ZRANB3: variants seen among roughly 807,000 people sequenced by gnomAD.
The protein encoded by ZRANB3 is DNA annealing helicase and endonuclease ZRANB3.
Under a neutral mutation model 133.8 loss-of-function variants are expected in ZRANB3, and 125 were observed. The ratio of observed to expected loss-of-function variants is 0.93; its 90% CI spans 0.81 to 1.08. ZRANB3 has a LOEUF of 1.08. Among genes scored for constraint, ZRANB3 ranks in the 50% least tolerant of loss-of-function variants. The probability of loss-of-function intolerance (pLI) is 0.00; values close to 1 mark genes in which losing one functional copy is unlikely to be tolerated. For missense variants in ZRANB3, 1,229 were observed against 1,275.5 expected (o/e 0.96, Z 0.56); for synonymous variants, 387 against 432.7 (o/e 0.89, Z 1.31).
intron 6 of ZRANB3, among the ~76,000 whole-genome samples, chr2:135,339,325 C>T (rs548935847): frequency 1.4e-4 from 21 of 152,040 alleles, no homozygotes; most frequent in Admixed American, 5.9e-4. Context: ...GCAGGAGAAT[C>T]GCTTGAACCC....
At chr2:135,202,208 A>T (rs1349638568) in intron 20 of ZRANB3, among the ~76,000 whole-genome samples, 3 of 152,224 alleles carry the variant, frequency 2.0e-5, no homozygotes, top group Non-Finnish European at 4.4e-5. Flanking sequence ...ATCTTGCTGT[A>T]AGTGAAAAAA....
chr2:135,518,205 G>GT (rs1195928307), intron 1 of ZRANB3, among the ~76,000 whole-genome samples: 1 of 152,116 alleles, frequency 6.6e-6, no homozygotes, highest in African/African-American at 2.4e-5. Flanking sequence ...GCTCCATGGG[G>GT]TGGGATCTGC....
intron 15 of ZRANB3, among the ~76,000 whole-genome samples, 198 bp from the exon 16 acceptor site, chr2:135,219,376 T>C: frequency 6.6e-6 from 1 of 152,246 alleles, no homozygotes; most frequent in Middle Eastern, 3.2e-3. Context: ...GCAGGCTCTC[T>C]ACCGCACTGG....
chr2:135,507,240 T>C (rs1035304464), intron 1 of ZRANB3, among the ~76,000 whole-genome samples: 1 of 152,020 alleles, frequency 6.6e-6, no homozygotes, highest in African/African-American at 2.4e-5. Context: ...AATAAATAAA[T>C]TGGGTAGAAA....
At chr2:135,491,574 C>T (rs767406651) in intron 2 of ZRANB3, among the ~76,000 whole-genome samples, 26 of 151,764 alleles carry the variant, frequency 1.7e-4, no homozygotes, top group African/African-American at 2.9e-4. Context: ...AGTGCAGTGG[C>T]GCAATCTCAG....
At chr2:135,209,062 G>A in intron 17 of ZRANB3, 84 bp from the exon 18 acceptor site, 2 of 1,297,948 alleles carry the variant, frequency 1.5e-6, no homozygotes, top group East Asian at 2.4e-5. Flanking sequence ...CCTTGCAAAA[G>A]CAATAGAAGA....
At position 135,492,101 on chromosome 2, in the gene ZRANB3, T is replaced by C. The variant is rs148342064; in HGVS notation, c.161+12228A>G. ...AACGAAAACAGGAAAACATGGATTA[T>C]ATAATGACATATTTAGTGGATCATA... is the stretch of plus-strand genomic sequence containing the variant. On this transcript the variant is annotated intron_variant, in intron 2 of 20. Coordinates refer to ENST00000264159, the MANE Select transcript of ZRANB3 (RefSeq NM_032143.4). Among the ~76,000 whole-genome samples the C allele has an allele frequency of 1.2e-4, 18 of 152,332 alleles. No individual in the cohort carries two copies. In the East Asian group the frequency reaches 2.5e-3, roughly 21 times the overall value.
chr2:135,511,515 A>C, intron 1 of ZRANB3: 1 of 1,012,406 alleles, frequency 9.9e-7, no homozygotes, highest in Non-Finnish European at 1.6e-6. Flanking sequence ...CCTGAGGCTC[A>C]GTGACAAACC....
At chr2:135,285,062 C>A (rs1294479721) in intron 8 of ZRANB3, among the ~76,000 whole-genome samples, 1 of 151,210 alleles carries the variant, frequency 6.6e-6, no homozygotes, top group Non-Finnish European at 1.5e-5. Context: ...TCAGGCTGGT[C>A]TCGAACTCCC....
At chr2:135,271,457 T>C (rs1680511967) in intron 10 of ZRANB3, 1 of 467,820 alleles carries the variant, frequency 2.1e-6, no homozygotes, top group Non-Finnish European at 4.3e-6. Flanking sequence ...GAAAAGCCTA[T>C]ACAAATTCAA....
intron 12 of ZRANB3, among the ~76,000 whole-genome samples, chr2:135,239,981 TC>T: frequency 6.8e-6 from 1 of 146,946 alleles, no homozygotes; most frequent in Non-Finnish European, 1.5e-5. Flanking sequence ...AGACTCCATG[TC>T]AAAAAAAAAA....
chr2:135,362,229 G>A (rs1685728067), intron 3 of ZRANB3, among the ~76,000 whole-genome samples: 2 of 151,826 alleles, frequency 1.3e-5, no homozygotes, highest in African/African-American at 4.8e-5. Context: ...AGAATAGTGT[G>A]TGTACATTTC....
At position 135,288,873 on chromosome 2, in the gene ZRANB3, C is replaced by CGTGTGTGTGTGTGT. The variant is rs57200280; in HGVS notation, c.967-13132_967-13119dup. On this transcript the variant is annotated intron_variant, in intron 8 of 20. Coordinates refer to ENST00000264159, the MANE Select transcript of ZRANB3 (RefSeq NM_032143.4). ...AAGAACTTGTTTCTGCTTCATTTAT[C>CGTGTGTGTGTGTGT]GTGTGTGTGTGTGTGTGTGTGTGTG... 1.9e-3 allele frequency among the ~76,000 whole-genome samples: 274 copies of CGTGTGTGTGTGTGT among 141,378 alleles called. 1 individual carries two copies. Among genetic ancestry groups the CGTGTGTGTGTGTGT allele is most frequent in the African/African-American group, 6.4e-3 (246 of 38,540 alleles). The allele number at this position is 141,378 out of a possible 152,430, so 92.7% of individuals were successfully genotyped here. A position where few individuals can be genotyped will look rare whatever the true frequency, so the allele number is the denominator to read the frequency against.
intron 20 of ZRANB3, among the ~76,000 whole-genome samples, chr2:135,201,568 A>G (rs957293446): frequency 7.3e-5 from 11 of 151,484 alleles, no homozygotes; most frequent in African/African-American, 2.7e-4. Flanking sequence ...TAGGAGAATC[A>G]GCTTGAACCC....
intron 2 of ZRANB3, among the ~76,000 whole-genome samples, chr2:135,394,766 GAAGTC>G (rs1687398700): frequency 6.6e-6 from 1 of 151,858 alleles, no homozygotes. Context: ...ACAACAATGA[GAAGTC>G]AAGAGAGGGG....
intron 3 of ZRANB3, among the ~76,000 whole-genome samples, chr2:135,357,371 T>C (rs570868819): frequency 2.6e-5 from 4 of 151,804 alleles, no homozygotes; most frequent in East Asian, 3.9e-4. Context: ...TCTCGGCTCA[T>C]TGCAATGTCT....
chr2:135,241,365 C>CTT (rs398060565), intron 12 of ZRANB3, among the ~76,000 whole-genome samples: 2,256 of 126,056 alleles, frequency 0.018, 45 homozygotes, highest in African/African-American at 0.055. Flanking sequence ...ATTCTCTGTT[C>CTT]TTTTTTTTTT....
rs1193127114 is a variant in ZRANB3, at chr2:135,198,087, C to T, written c.*2255G>A. 1 of 152,310 alleles carries T rather than the reference C, an allele frequency of 6.6e-6. No individual in the cohort carries two copies. Among genetic ancestry groups the T allele is most frequent in the Non-Finnish European group, 1.5e-5 (1 of 68,136 alleles). 9.4% of individuals were successfully genotyped at this position (152,310 alleles called of 1,614,324 possible). On this transcript the variant is annotated 3_prime_UTR_variant, in exon 21 of 21. Transcript: ENST00000264159. Reference sequence around the variant, plus strand: ...CTGTGTTTTCACTCCATCTCCATCTCCTGAGTGGCAGCAGCTGTCTTCTTC... The same window carrying T: ...CTGTGTTTTCACTCCATCTCCATCTTCTGAGTGGCAGCAGCTGTCTTCTTC...
At chr2:135,424,697 C>T (rs949495527) in intron 2 of ZRANB3, among the ~76,000 whole-genome samples, 1 of 152,224 alleles carries the variant, frequency 6.6e-6, no homozygotes, top group Non-Finnish European at 1.5e-5. Context: ...TGTGCCACTG[C>T]ACTCCAGCCT....
Sources: gnomAD v4.1 joint callset for allele counts (sites outside exome capture counted in the v4.1 genomes callset) on GRCh38, gnomAD v4.1.1 for gene constraint, MANE v1.5 for transcripts, NCBI Gene and HGNC (gene_info 2026-07-23, HGNC 2026-07-21) for gene names.